Variants in SLC24A3 observed in about 807,000 individuals in gnomAD.
SLC24A3 encodes the protein solute carrier family 24 member 3.
SLC24A3 carries 28 observed loss-of-function variants against 75.8 expected under a neutral mutation model. The ratio of observed to expected loss-of-function variants is 0.37; its 90% CI spans 0.27 to 0.51. The LOEUF is 0.51. SLC24A3 is among the 20% of genes least tolerant of loss of function. The pLI is 0.94. For synonymous variants in SLC24A3, 372 were observed against 334.1 expected, an observed-to-expected ratio of 1.11 and a Z score of -1.24; for missense variants, 663 against 847.8, an observed-to-expected ratio of 0.78 and a Z score of 2.71.
intron 2 of SLC24A3, among the ~76,000 whole-genome samples, chr20:19,327,802 A>G (rs923431088): frequency 2.6e-5 from 4 of 152,036 alleles, no homozygotes; most frequent in Non-Finnish European, 5.9e-5. Flanking sequence ...CATTCATTCA[A>G]TGTATATTTA....
chr20:19,540,998 G>A (rs189501406), intron 3 of SLC24A3, among the ~76,000 whole-genome samples: 8 of 152,246 alleles, frequency 5.3e-5, no homozygotes, highest in Admixed American at 1.3e-4. Flanking sequence ...GGATAACCCC[G>A]CACAACAATC....
intron 15 of SLC24A3, among the ~76,000 whole-genome samples, chr20:19,714,076 A>T (rs2033017678): frequency 6.6e-6 from 1 of 152,194 alleles, no homozygotes; most frequent in Non-Finnish European, 1.5e-5. Flanking sequence ...TACATAAATG[A>T]ATGAACTGAG....
chr20:19,213,185 G>T (rs1981456084), intron 1 of SLC24A3: 12 of 501,224 alleles, frequency 2.4e-5, no homozygotes, highest in Admixed American at 4.9e-5. Context: ...CTGAGCGCCA[G>T]CAGCCAGCAG....
chr20:19,215,924 G>T lies in SLC24A3; in HGVS notation c.142+2940G>T, dbSNP rs6136655. On this transcript the variant is annotated intron_variant, in intron 1 of 16. Transcript: ENST00000328041. ...CATGAGGTCTGCTTAATTTAGGTCAGGAAGAATTAGTGCTGGAATCAAGAA... is the reference window on the plus strand; with the variant it reads ...CATGAGGTCTGCTTAATTTAGGTCATGAAGAATTAGTGCTGGAATCAAGAA... Among the ~76,000 whole-genome samples, 1,113 of 152,284 alleles carry T rather than the reference G, an allele frequency of 7.3e-3. 7 individuals are homozygous for T. The highest frequency in any genetic ancestry group is 0.017 in the Middle Eastern group (5 of 294).
intron 9 of SLC24A3, among the ~76,000 whole-genome samples, chr20:19,678,933 T>A (rs1395933711): frequency 7.1e-6 from 1 of 140,584 alleles, no homozygotes; most frequent in African/African-American, 2.7e-5. Context: ...GCTCCCCACA[T>A]CTCAGACGAT....
At position 19,580,048 on chromosome 20, in the gene SLC24A3, G is replaced by A. The variant is rs752244122; in HGVS notation, c.397G>A (p.Val133Ile). 10 of 1,613,566 alleles carry A rather than the reference G, an allele frequency of 6.2e-6. No individual in the cohort carries two copies. Among genetic ancestry groups the A allele is most frequent in the African/African-American group, 4.0e-5 (3 of 74,804 alleles). Residue 133 changes from valine to isoleucine, a missense_variant, in exon 4 of 17, where the codon GTC becomes ATC. By Grantham distance (29) the Val-to-Ile change is conservative (BLOSUM62 3). Coordinates refer to ENST00000328041, the MANE Select transcript of SLC24A3 (RefSeq NM_020689.4). ...ALAIVCDDFF[V>I]PSLEKICERL... ...GGCCATTGTGTGTGATGACTTCTTC[G>A]TCCCTTCCTTGGAAAAGATCTGTGA...
At chr20:19,607,144 T>C (rs1457744254) in intron 6 of SLC24A3, among the ~76,000 whole-genome samples, 3 of 152,140 alleles carry the variant, frequency 2.0e-5, no homozygotes. Flanking sequence ...GATCCCCAAT[T>C]GAAACTGATT....
At chr20:19,494,062 G>A (rs955926433) in intron 2 of SLC24A3, among the ~76,000 whole-genome samples, 22 of 152,230 alleles carry the variant, frequency 1.4e-4, no homozygotes, top group African/African-American at 5.3e-4. Context: ...TGCATGGAGG[G>A]GGAGAGGGTC....
intron 3 of SLC24A3, among the ~76,000 whole-genome samples, chr20:19,527,302 T>C (rs2030216912): frequency 6.6e-6 from 1 of 152,224 alleles, no homozygotes; most frequent in African/African-American, 2.4e-5. Context: ...CTCATCTTTA[T>C]GTCCCCATCA....
At chr20:19,541,198 G>A (rs2030490008) in intron 3 of SLC24A3, among the ~76,000 whole-genome samples, 1 of 152,210 alleles carries the variant, frequency 6.6e-6, no homozygotes, top group Non-Finnish European at 1.5e-5. Flanking sequence ...AACCTTTCAG[G>A]CAGAAAAGAA....
intron 2 of SLC24A3, among the ~76,000 whole-genome samples, chr20:19,396,687 G>A (rs1490752316): frequency 6.6e-6 from 1 of 152,206 alleles, no homozygotes; most frequent in Non-Finnish European, 1.5e-5. Context: ...TGCTCATAGT[G>A]CAGATCAAAT....
intron 2 of SLC24A3, among the ~76,000 whole-genome samples, chr20:19,389,272 T>C (rs1312615930): frequency 6.6e-6 from 1 of 152,200 alleles, no homozygotes; most frequent in Non-Finnish European, 1.5e-5. Context: ...ACTAGTACAA[T>C]ATTAGAATAC....
intron 1 of SLC24A3, among the ~76,000 whole-genome samples, chr20:19,224,493 A>G (rs1003308435): frequency 2.6e-5 from 4 of 152,156 alleles, no homozygotes; most frequent in African/African-American, 9.7e-5. Context: ...TGGTAACCTG[A>G]ACTACGTGCT....
At chr20:19,306,278 A>G (rs539743322) in intron 2 of SLC24A3, among the ~76,000 whole-genome samples, 1 of 152,338 alleles carries the variant, frequency 6.6e-6, no homozygotes, top group African/African-American at 2.4e-5. Context: ...TGTTTGTGGA[A>G]ATGTAAATTA....
At chr20:19,585,122 T>C in intron 5 of SLC24A3, 67 bp downstream of exon 5, 1 of 1,418,988 alleles carries the variant, frequency 7.0e-7, no homozygotes, top group Admixed American at 1.8e-5. Context: ...TGGGAATGGA[T>C]GGCCCCCAGA....
intron 2 of SLC24A3, among the ~76,000 whole-genome samples, chr20:19,427,159 G>T (rs1987023636): frequency 6.6e-6 from 1 of 152,130 alleles, no homozygotes; most frequent in African/African-American, 2.4e-5. Flanking sequence ...AGGAATGAAT[G>T]CCATCTGAAC....
In SLC24A3 at chr20:19,696,922, C is replaced by T; in HGVS notation, c.1606+11C>T. On this transcript the variant is annotated intron_variant, in intron 14 of 16. Transcript: ENST00000328041. ...TTGTGGCCAGACAAGGTGGGACTTCCAGTGGCAATGGGGAAGGAGGGAGGG... is the reference window on the plus strand; with the variant it reads ...TTGTGGCCAGACAAGGTGGGACTTCTAGTGGCAATGGGGAAGGAGGGAGGG... The T allele has an allele frequency of 7.6e-7, 1 of 1,315,638 alleles. No homozygotes were observed. The highest frequency in any genetic ancestry group is 1.0e-6 in the Non-Finnish European group (1 of 982,174). 81.5% of individuals were successfully genotyped at this position (1,315,638 alleles called of 1,614,324 possible). A position where few individuals can be genotyped will look rare whatever the true frequency, so the allele number is the denominator to read the frequency against.
intron 1 of SLC24A3, among the ~76,000 whole-genome samples, chr20:19,251,407 G>A (rs1371365274): frequency 1.3e-5 from 2 of 152,248 alleles, no homozygotes; most frequent in Non-Finnish European, 2.9e-5. Context: ...TTTCGCCAGT[G>A]TCTTGGTTTG....
intron 1 of SLC24A3, among the ~76,000 whole-genome samples, chr20:19,228,609 C>G (rs1981932820): frequency 2.6e-5 from 4 of 151,526 alleles, no homozygotes. Context: ...CACGCCACTG[C>G]ACTCCAGCCT....
Sources: gnomAD v4.1 joint callset for allele counts (sites outside exome capture counted in the v4.1 genomes callset) on GRCh38, gnomAD v4.1.1 for gene constraint, MANE v1.5 for transcripts, NCBI Gene and HGNC (gene_info 2026-07-23, HGNC 2026-07-21) for gene names.